Variants in TTC28 observed in about 807,000 individuals in gnomAD.
TTC28 encodes the protein tetratricopeptide repeat domain 28, also known as tetratricopeptide repeat protein 28.
TTC28 carries 61 observed loss-of-function variants against 198.0 expected under a neutral mutation model. The ratio of observed to expected loss-of-function variants is 0.31; its 90% CI spans 0.25 to 0.38. The LOEUF (loss-of-function observed/expected upper bound fraction) is 0.38. Ranked by LOEUF, TTC28 falls within the 10% of genes least tolerant of loss-of-function variation. The pLI is 1.00. For synonymous variants in TTC28, 1,171 were observed against 1,297.8 expected, an observed-to-expected ratio of 0.90 and a Z score of 2.10; for missense variants, 2,678 against 3,164.0, an observed-to-expected ratio of 0.85 and a Z score of 3.69.
Position 27,998,821 on chromosome 22 carries a change from T to C in TTC28, c.4838A>G (p.Asp1613Gly), listed in dbSNP as rs1285040122. 2.6e-6 allele frequency: 4 copies of C among 1,550,450 alleles called. No homozygotes were observed. Among genetic ancestry groups the C allele is most frequent in the East Asian group, 2.4e-5 (1 of 40,922 alleles). Residue 1613 changes from aspartate to glycine, a missense_variant, in exon 16 of 23, where the codon GAC becomes GGC. This residue lies in a region of TTC28 where 727 missense variants were observed against 861.9 expected (regional missense o/e 0.84). Transcript: ENST00000397906. The part of the protein sequence containing the change: ...ELLLTAADVL[D>G]LQLPVKLVVL... Reference sequence around the variant, plus strand: ...CACCAGCTTCACAGGCAGCTGCAGGTCCAGGACGTCGGCGGCAGTAAGCAG... The same window carrying C: ...CACCAGCTTCACAGGCAGCTGCAGGCCCAGGACGTCGGCGGCAGTAAGCAG...
In TTC28 at chr22:28,151,631, G is replaced by A. The variant is rs146177733; in HGVS notation, c.1441+11461C>T. ...AGGTGTGGGGCACAGCACAGGATGC[G>A]CATGTCATAACCTTAATGAGGGTGT... On this transcript the variant is annotated intron_variant, in intron 6 of 22. Coordinates refer to ENST00000397906, the MANE Select transcript of TTC28 (RefSeq NM_001145418.2). 5.1e-4 allele frequency among the ~76,000 whole-genome samples: 78 copies of A among 152,290 alleles called. No individual in the cohort carries two copies. The East Asian group carries it at 7.9e-3, about 15-fold the overall frequency.
intron 2 of TTC28, among the ~76,000 whole-genome samples, chr22:28,390,864 G>A (rs2046706608): frequency 6.6e-6 from 1 of 152,264 alleles, no homozygotes; most frequent in East Asian, 1.9e-4. Flanking sequence ...ATATTGTTAT[G>A]TGTGAATTTG....
At position 28,110,135 on chromosome 22, in the gene TTC28, T is replaced by G. The variant is rs548086051; in HGVS notation, c.1442-1732A>C. 6.6e-5 allele frequency among the ~76,000 whole-genome samples: 10 copies of G among 152,250 alleles called. No homozygotes were observed. The South Asian group carries it at 2.1e-3, about 32-fold the overall frequency. ...ACAGTATGCATGATCAAGGCTGAAG[T>G]CAGGGCAGGGCAGGAGCTGGGGCTG... is the stretch of plus-strand genomic sequence containing the variant. On this transcript the variant is annotated intron_variant, in intron 6 of 22. Coordinates refer to ENST00000397906, the MANE Select transcript of TTC28 (RefSeq NM_001145418.2).
At chr22:28,375,383 G>C (rs898362612) in intron 2 of TTC28, among the ~76,000 whole-genome samples, 2 of 152,148 alleles carry the variant, frequency 1.3e-5, no homozygotes, top group Non-Finnish European at 2.9e-5. Flanking sequence ...GAATAACTTT[G>C]CTGCAGATTA....
intron 2 of TTC28, among the ~76,000 whole-genome samples, chr22:28,439,455 T>G (rs890896790): frequency 6.6e-6 from 1 of 152,248 alleles, no homozygotes; most frequent in African/African-American, 2.4e-5. Context: ...TTATCTTTCT[T>G]GGATAAAAAT....
chr22:28,562,511 A>T (rs1216597174), intron 2 of TTC28, among the ~76,000 whole-genome samples: 1 of 152,186 alleles, frequency 6.6e-6, no homozygotes, highest in African/African-American at 2.4e-5. Flanking sequence ...AGGGTGAAGA[A>T]CCACCGTAGA....
At chr22:28,525,797 A>G (rs1383811722) in intron 2 of TTC28, among the ~76,000 whole-genome samples, 1 of 152,224 alleles carries the variant, frequency 6.6e-6, no homozygotes, top group African/African-American at 2.4e-5. Flanking sequence ...TTAAGAATCA[A>G]CTGACCTATT....
Position 27,996,208 on chromosome 22 carries a change from A to T in TTC28, c.5171T>A (p.Ile1724Asn). The change falls in exon 17 of 23, where the codon ATC (isoleucine) becomes AAC (asparagine). Residue 1724 changes from isoleucine to asparagine, a missense_variant. Physicochemically the swap from Ile to Asn is moderately radical, Grantham distance 149. Transcript: ENST00000397906. Reference protein sequence around the residue: ...DVKLNSPSSLIGQALTEILQH... With the variant: ...DVKLNSPSSLNGQALTEILQH... Reference sequence around the variant, plus strand: ...CAGGATCTCTGTGAGGGCCTGGCCGATGAGTGATGAGGGGCTGTTCAGCTT... The same window carrying T: ...CAGGATCTCTGTGAGGGCCTGGCCGTTGAGTGATGAGGGGCTGTTCAGCTT... 3 of 1,551,230 alleles carry T rather than the reference A, an allele frequency of 1.9e-6. No homozygotes were observed. The highest frequency in any genetic ancestry group is 2.6e-6 in the Non-Finnish European group (3 of 1,147,008).
chr22:28,136,820 G>T (rs1231692670), intron 6 of TTC28, among the ~76,000 whole-genome samples: 1 of 152,196 alleles, frequency 6.6e-6, no homozygotes, highest in Admixed American at 6.5e-5. Context: ...GGTACACAGA[G>T]ACTGGAGAAC....
intron 5 of TTC28, among the ~76,000 whole-genome samples, chr22:28,254,644 C>T (rs945344698): frequency 6.6e-6 from 1 of 151,986 alleles, no homozygotes; most frequent in Non-Finnish European, 1.5e-5. Context: ...ATGTGGACTC[C>T]CTCCCACTAA....
intron 1 of TTC28, among the ~76,000 whole-genome samples, chr22:28,673,417 T>C (rs2051922627): frequency 1.3e-5 from 2 of 152,184 alleles, no homozygotes; most frequent in South Asian, 2.1e-4. Context: ...TGCATTATTA[T>C]TGTATGTAGC....
intron 12 of TTC28, among the ~76,000 whole-genome samples, chr22:28,051,130 G>A (rs976524837): frequency 2.0e-5 from 3 of 152,076 alleles, no homozygotes; most frequent in African/African-American, 4.8e-5. Flanking sequence ...TATGGGATGT[G>A]GTCCTTAAAA....
intron 2 of TTC28, among the ~76,000 whole-genome samples, chr22:28,384,389 C>T (rs2046542060): frequency 6.6e-6 from 1 of 152,104 alleles, no homozygotes; most frequent in African/African-American, 2.4e-5. Context: ...TACCTAAGCC[C>T]TTCATCACTC....
chr22:28,551,314 C>T (rs2145961194), intron 2 of TTC28, among the ~76,000 whole-genome samples: 1 of 152,182 alleles, frequency 6.6e-6, no homozygotes, highest in East Asian at 1.9e-4. Context: ...AGATGAATTG[C>T]TACCAATCTT....
At chr22:28,333,451 T>C (rs2045648665) in intron 2 of TTC28, among the ~76,000 whole-genome samples, 1 of 152,158 alleles carries the variant, frequency 6.6e-6, no homozygotes, top group African/African-American at 2.4e-5. Context: ...TTCAGCTATA[T>C]ATCTCACATT....
Position 28,223,909 on chromosome 22 carries a change from G to A in TTC28, c.934-60310C>T, listed in dbSNP as rs558519966. Among the ~76,000 whole-genome samples, 8 of 152,248 alleles carry A rather than the reference G, an allele frequency of 5.3e-5. No individual in the cohort carries two copies. In the South Asian group the frequency reaches 1.2e-3, roughly 24 times the overall value. On this transcript the variant is annotated intron_variant, in intron 5 of 22. Coordinates refer to ENST00000397906, the MANE Select transcript of TTC28 (RefSeq NM_001145418.2). ...TTGGATTTTGGCGGGAAAATCCCAC[G>A]AGACTGACTAATATTTGTACAGACT...
intron 5 of TTC28, among the ~76,000 whole-genome samples, chr22:28,172,333 T>TTTA (rs1453509422): frequency 2.6e-5 from 4 of 152,280 alleles, no homozygotes; most frequent in African/African-American, 9.6e-5. Context: ...TGAGCCCCTG[T>TTTA]CAAATATGTA....
In TTC28 at chr22:28,119,508, G is replaced by A. The variant is rs982712203; in HGVS notation, c.1442-11105C>T. 2.0e-5 allele frequency among the ~76,000 whole-genome samples: 3 copies of A among 152,316 alleles called. No homozygotes were observed. In the South Asian group the frequency reaches 6.2e-4, roughly 32 times the overall value. On this transcript the variant is annotated intron_variant, in intron 6 of 22. Coordinates refer to ENST00000397906, the MANE Select transcript of TTC28 (RefSeq NM_001145418.2). ...AATACTATATCAAAGCTCTGCTTACGTGGGGATGGAACCCATTTCCTTAAG... is the reference window on the plus strand; with the variant it reads ...AATACTATATCAAAGCTCTGCTTACATGGGGATGGAACCCATTTCCTTAAG...
chr22:27,987,516 G>A (rs1403921246), intron 21 of TTC28, among the ~76,000 whole-genome samples: 2 of 151,972 alleles, frequency 1.3e-5, no homozygotes, highest in Non-Finnish European at 2.9e-5. Flanking sequence ...CAGATCACTT[G>A]AGCTCAGGAG....
Sources: allele counts gnomAD v4.1 joint callset (sites outside exome capture counted in the v4.1 genomes callset), GRCh38; gene constraint gnomAD v4.1.1; regional missense constraint gnomAD v4.1.1; transcripts MANE v1.5; gene names NCBI Gene and HGNC (gene_info 2026-07-23, HGNC 2026-07-21).